The following NUP160 variants were observed in gnomAD, a reference collection of about 807,000 sequenced individuals.
NUP160 encodes the protein nucleoporin 160, also known as nuclear pore complex protein Nup160.
Under a neutral mutation model 196.9 loss-of-function variants are expected in NUP160, and 94 were observed. That is an observed-to-expected ratio of 0.48 (90% confidence interval 0.40 to 0.57). The LOEUF is 0.57. Ranked by LOEUF, NUP160 falls within the 20% of genes least tolerant of loss-of-function variation. The pLI, the probability that NUP160 is intolerant of heterozygous loss-of-function variation, is 0.00. For missense variants in NUP160, 1,638 were observed against 1,748.3 expected (o/e 0.94, Z 1.13); for synonymous variants, 605 against 619.7 (o/e 0.98, Z 0.35).
intron 29 of NUP160, among the ~76,000 whole-genome samples, chr11:47,791,624 A>G (rs968780497): frequency 6.6e-6 from 1 of 152,260 alleles, no homozygotes; most frequent in East Asian, 1.9e-4. Context: ...TACAGGTGTG[A>G]GCCACCACAC....
rs1307205029 is a variant in NUP160 at position 47,798,201 on chromosome 11, T to C, written c.3053A>G (p.Tyr1018Cys). ...ATCAGGAATTTGGGTTAAGGCTTCA[T>C]ATGCTTGGCTATTGTGACCCAAATC... Residue 1018 changes from tyrosine (Y) to cysteine (C), a missense_variant, in exon 25 of 36, where the codon TAT becomes TGT. This residue lies in a region of NUP160 where 1,345 missense variants were observed against 1,470.2 expected (regional missense o/e 0.91). Transcript: ENST00000378460. 3 of 1,612,660 alleles carry C rather than the reference T, an allele frequency of 1.9e-6. No homozygotes were observed. Among genetic ancestry groups the C allele is most frequent in the African/African-American group, 1.3e-5 (1 of 74,618 alleles).
intron 2 of NUP160, among the ~76,000 whole-genome samples, chr11:47,845,389 C>T (rs1377948986): frequency 6.6e-6 from 1 of 152,214 alleles, no homozygotes; most frequent in Non-Finnish European, 1.5e-5. Context: ...ATCCACCTGC[C>T]TCGGCCTCCT....
chr11:47,795,425 A>G (rs2097670341), intron 27 of NUP160, among the ~76,000 whole-genome samples: 1 of 152,146 alleles, frequency 6.6e-6, no homozygotes, highest in African/African-American at 2.4e-5. Flanking sequence ...TTCCCTTCCT[A>G]TATGATTCAA....
At position 47,779,621 on chromosome 11, in the gene NUP160, A is replaced by G. The variant is rs376351777; in HGVS notation, c.4222-427T>C. On this transcript the variant is annotated intron_variant, in intron 35 of 35. Transcript: ENST00000378460. ...CACTATAATGACTCAAGGAAACACTATTGTTTTTTATGTTAAGGCAAGCAG... is the reference window on the plus strand; with the variant it reads ...CACTATAATGACTCAAGGAAACACTGTTGTTTTTTATGTTAAGGCAAGCAG... 4.5e-4 allele frequency: 230 copies of G among 509,344 alleles called. 2 individuals are homozygous for G. Among genetic ancestry groups the G allele is most frequent in the African/African-American group, 3.6e-3 (183 of 51,502 alleles). The allele number at this position is 509,344 out of a possible 1,614,324, so 31.6% of individuals were successfully genotyped here.
chr11:47,804,073 C>T (rs199896467), intron 21 of NUP160, among the ~76,000 whole-genome samples: 33 of 151,618 alleles, frequency 2.2e-4, no homozygotes, highest in Admixed American at 1.9e-3. Context: ...CCCAGCTACT[C>T]GGGAGGCTGA....
chr11:47,827,429 C>G (rs941009696), intron 7 of NUP160, among the ~76,000 whole-genome samples: 1 of 151,816 alleles, frequency 6.6e-6, no homozygotes, highest in African/African-American at 2.4e-5. Flanking sequence ...AAATTCACAG[C>G]TAGCATTATA....
intron 35 of NUP160, 61 bp downstream of exon 35, chr11:47,780,282 G>T: frequency 8.7e-7 from 1 of 1,151,274 alleles, no homozygotes; most frequent in Non-Finnish European, 1.3e-6. Flanking sequence ...AGATCAAGCT[G>T]TAAGGTGTAA....
rs1484070218 is a variant in NUP160 at position 47,813,285 on chromosome 11, G to A, written c.1786+31C>T. The A allele has an allele frequency of 1.7e-5, 24 of 1,422,372 alleles. No homozygotes were observed. In the East Asian group the frequency reaches 5.2e-4, roughly 31 times the overall value. 88.1% of individuals were successfully genotyped at this position (1,422,372 alleles called of 1,614,324 possible). On this transcript the variant is annotated intron_variant, in intron 14 of 35. Coordinates refer to ENST00000378460, the Ensembl canonical transcript of NUP160. Reference sequence around the variant, plus strand: ...AAGCATAGGGTTTATATAGGAAGGGGATTAAATATGGACATAACAATTACT... The same window carrying A: ...AAGCATAGGGTTTATATAGGAAGGGAATTAAATATGGACATAACAATTACT...
At chr11:47,825,004 T>C (rs904007914) in intron 7 of NUP160, among the ~76,000 whole-genome samples, 1 of 151,110 alleles carries the variant, frequency 6.6e-6, no homozygotes, top group Non-Finnish European at 1.5e-5. Context: ...CCCAGCTAAG[T>C]TTTTGTATTT....
intron 17 of NUP160, among the ~76,000 whole-genome samples, chr11:47,808,857 T>C (rs2097679297): frequency 6.6e-6 from 1 of 151,966 alleles, no homozygotes. Flanking sequence ...TCCCAGCACT[T>C]TGGGAGGCTG....
At chr11:47,840,256 G>T in intron 3 of NUP160, 122 bp downstream of exon 3, 1 of 914,084 alleles carries the variant, frequency 1.1e-6, no homozygotes. Context: ...ATCAAAGTAT[G>T]CTTGGTGAGG....
chr11:47,836,882 C>G lies in NUP160; in HGVS notation c.942+5G>C. 1.3e-6 allele frequency: 2 copies of G among 1,527,550 alleles called. No homozygotes were observed. Among genetic ancestry groups the G allele is most frequent in the Non-Finnish European group, 1.8e-6 (2 of 1,101,788 alleles). The allele number at this position is 1,527,550 out of a possible 1,614,324, so 94.6% of individuals were successfully genotyped here. A position where few individuals can be genotyped will look rare whatever the true frequency, so the allele number is the denominator to read the frequency against. ...ACTTACAGCAACTATAAATGTAGCA[C>G]TTACCTTGTAAGACCACATTCGTAG... On this transcript the variant is annotated splice_donor_5th_base_variant and intron_variant, in intron 6 of 35. Transcript: ENST00000378460.
intron 27 of NUP160, among the ~76,000 whole-genome samples, chr11:47,793,673 T>C (rs945063627): frequency 3.4e-5 from 5 of 146,572 alleles, no homozygotes; most frequent in Admixed American, 1.4e-4. Flanking sequence ...TGAACAAAAT[T>C]TGACATATAA....
intron 8 of NUP160, 21 bp downstream of exon 8, chr11:47,822,066 G>A (rs771036333): frequency 6.6e-7 from 1 of 1,507,932 alleles, no homozygotes; most frequent in Non-Finnish European, 9.2e-7. Flanking sequence ...TATGTGATAT[G>A]CAAAGGATGA....
intron 5 of NUP160, 34 bp downstream of exon 5, chr11:47,837,511 G>C: frequency 6.5e-7 from 1 of 1,542,978 alleles, no homozygotes; most frequent in African/African-American, 1.4e-5. Flanking sequence ...TTAAATTCTT[G>C]GGCCCTTTGA....
Position 47,848,362 on chromosome 11 carries a change from C to T in NUP160, c.59G>A (p.Arg20Gln). The T allele has an allele frequency of 3.1e-6, 5 of 1,610,948 alleles. No individual in the cohort carries two copies. Among genetic ancestry groups the T allele is most frequent in the African/African-American group, 1.3e-5 (1 of 75,002 alleles). The change falls in exon 1 of 36, where the codon CGG becomes CAG. Residue 20 changes from arginine to glutamine, a missense_variant. Physicochemically the swap from Arg to Gln is conservative, Grantham distance 43 (BLOSUM62 1). Around this residue, in one of 3 missense-constraint regions of NUP160, gnomAD observed 287 missense variants for 259.5 expected, o/e 1.11. Transcript: ENST00000378460. ...ACGCCCAACGGAACAAAGGCAGGGCCGCGCGGTCGCCGTCACTTCCGGGGG... is the reference window on the plus strand; with the variant it reads ...ACGCCCAACGGAACAAAGGCAGGGCTGCGCGGTCGCCGTCACTTCCGGGGG...
At chr11:47,813,415 C>G in exon 14 of NUP160, 1 of 1,588,906 alleles carries the variant, frequency 6.3e-7, no homozygotes. Context: ...GACAGGTACC[C>G]CTGGAAATAC....
At chr11:47,841,872 A>G (rs1852305825) in intron 2 of NUP160, among the ~76,000 whole-genome samples, 1 of 151,906 alleles carries the variant, frequency 6.6e-6, no homozygotes, top group Non-Finnish European at 1.5e-5. Flanking sequence ...ATTTTTTAGT[A>G]GAGACGGGGT....
chr11:47,793,207 G>A (rs190413172), intron 27 of NUP160, among the ~76,000 whole-genome samples: 37 of 152,084 alleles, frequency 2.4e-4, no homozygotes, highest in African/African-American at 8.2e-4. Flanking sequence ...TGTTGGTCTC[G>A]AATTTGTGGC....
Sources: gnomAD v4.1 joint callset for allele counts (sites outside exome capture counted in the v4.1 genomes callset) on GRCh38, gnomAD v4.1.1 for gene constraint, gnomAD v4.1.1 regional missense constraint, MANE v1.5 for transcripts, NCBI Gene and HGNC (gene_info 2026-07-23, HGNC 2026-07-21) for gene names.